SENP6: variants seen among roughly 807,000 people sequenced by gnomAD.
SENP6 encodes the protein SUMO specific peptidase 6, also known as sentrin-specific protease 6.
A neutral mutation model predicts 134.5 loss-of-function variants in SENP6; 41 were observed. That is an observed-to-expected ratio of 0.30 (90% CI 0.24 to 0.40). The LOEUF (loss-of-function observed/expected upper bound fraction) is 0.40, where lower values mean the gene tolerates loss of function less well. Ranked by LOEUF, SENP6 falls within the 10% of genes least tolerant of loss-of-function variation. The pLI is 1.00. For synonymous variants in SENP6, 395 were observed against 429.8 expected (o/e 0.92, Z 1.00); for missense variants, 1,248 against 1,312.5 (o/e 0.95, Z 0.76).
chr6:75,618,483 A>T (rs898663607), intron 1 of SENP6, among the ~76,000 whole-genome samples: 1 of 152,158 alleles, frequency 6.6e-6, no homozygotes, highest in Non-Finnish European at 1.5e-5. Flanking sequence ...CACCAGGTTC[A>T]TATTGGTGTT....
chr6:75,695,449 A>T (rs551121155), intron 16 of SENP6, among the ~76,000 whole-genome samples: 70 of 152,330 alleles, frequency 4.6e-4, no homozygotes, highest in Admixed American at 1.6e-3. Flanking sequence ...ATACAAAGCG[A>T]ACTGTGGCCG....
chr6:75,695,507 C>T (rs55990059), intron 16 of SENP6, among the ~76,000 whole-genome samples: 7 of 152,244 alleles, frequency 4.6e-5, no homozygotes, highest in South Asian at 2.1e-4. Context: ...GAGGCTGAGG[C>T]GGGCGGATTA....
intron 8 of SENP6, among the ~76,000 whole-genome samples, chr6:75,660,277 T>C (rs1220087655): frequency 6.6e-6 from 1 of 152,244 alleles, no homozygotes; most frequent in Admixed American, 6.5e-5. Flanking sequence ...ACATTAATGA[T>C]ATTTTACCTT....
In SENP6 at chr6:75,658,573, CATTATA is replaced by C. The variant is rs372343924; in HGVS notation, c.551-682_551-677del. 3.4e-3 allele frequency among the ~76,000 whole-genome samples: 521 copies of C among 151,962 alleles called. 4 individuals carry two copies. The highest frequency in any genetic ancestry group is 0.012 in the African/African-American group (482 of 41,450). ...TTTGGAGTTCATCAAATCATTTAAA[CATTATA>C]ATTATATTTGTAATGAAAATTATTA... is the stretch of plus-strand genomic sequence containing the variant. On this transcript the variant is annotated intron_variant, in intron 7 of 23. Transcript: ENST00000447266.
At chr6:75,642,684 G>A (rs1436609395) in intron 6 of SENP6, among the ~76,000 whole-genome samples, 2 of 152,222 alleles carry the variant, frequency 1.3e-5, no homozygotes, top group Non-Finnish European at 2.9e-5. Context: ...AGCTTTCAGA[G>A]CATTTGAGAT....
Position 75,715,508 on chromosome 6 carries a change from G to C in SENP6, c.3253G>C (p.Glu1085Gln), listed in dbSNP as rs1463862084. The C allele has an allele frequency of 6.2e-7, 1 of 1,613,422 alleles. No homozygotes were observed. The highest frequency in any genetic ancestry group is 8.5e-7 in the Non-Finnish European group (1 of 1,179,566). The change falls in exon 24 of 24, where the codon GAG becomes CAG. Residue 1085 changes from glutamate to glutamine, a missense_variant. Coordinates refer to ENST00000447266, the MANE Select transcript of SENP6 (RefSeq NM_015571.4). ...GAAGCTACAGGAAGATCAGAGCAAA[G>C]AGAAAAGAAAGCATAAGGACACTTA... is the stretch of plus-strand genomic sequence containing the variant. The part of the protein sequence containing the change: ...ILKLQEDQSK[E>Q]KRKHKDTYST...
At chr6:75,647,513 T>C (rs1189191655) in intron 6 of SENP6, 1 of 340,400 alleles carries the variant, frequency 2.9e-6, no homozygotes, top group Non-Finnish European at 5.5e-6. Context: ...TATTCCTTTA[T>C]TTATTAATTT....
At chr6:75,671,868 T>C (rs928595293) in intron 11 of SENP6, among the ~76,000 whole-genome samples, 3 of 152,168 alleles carry the variant, frequency 2.0e-5, no homozygotes. Context: ...AAAAATTGTT[T>C]ATAGGAGAAA....
intron 7 of SENP6, among the ~76,000 whole-genome samples, chr6:75,654,049 C>T (rs1005419556): frequency 2.0e-5 from 3 of 152,052 alleles, no homozygotes; most frequent in Non-Finnish European, 2.9e-5. Flanking sequence ...CATAGTGAGA[C>T]CCTGTCTCTA....
chr6:75,672,853 A>T (rs1202101941), intron 11 of SENP6, among the ~76,000 whole-genome samples: 2 of 152,074 alleles, frequency 1.3e-5, no homozygotes, highest in Non-Finnish European at 2.9e-5. Flanking sequence ...TTTGAGACAG[A>T]GTCTCACTCT....
intron 16 of SENP6, among the ~76,000 whole-genome samples, chr6:75,682,177 C>A (rs187545594): frequency 6.6e-6 from 1 of 151,636 alleles, no homozygotes; most frequent in South Asian, 2.1e-4. Context: ...AATGATCCAC[C>A]AAGAAAACAT....
chr6:75,606,529 T>G (rs188242853), intron 1 of SENP6, among the ~76,000 whole-genome samples: 1 of 152,186 alleles, frequency 6.6e-6, no homozygotes, highest in East Asian at 1.9e-4. Flanking sequence ...GTTTTTTTCA[T>G]AGAGTGTTCA....
At chr6:75,622,323 C>T (rs983876851) in intron 2 of SENP6, among the ~76,000 whole-genome samples, 2 of 152,034 alleles carry the variant, frequency 1.3e-5, no homozygotes, top group East Asian at 1.9e-4. Context: ...TTTGGAAGGC[C>T]GAGGCAGGTG....
In SENP6 at chr6:75,713,596, T is replaced by C. The variant is rs541083120; in HGVS notation, c.2978+15T>C. 3 of 1,611,386 alleles carry C rather than the reference T, an allele frequency of 1.9e-6. No homozygotes were observed. Among genetic ancestry groups the C allele is most frequent in the South Asian group, 2.2e-5 (2 of 90,966 alleles). ...ATTTTAAGAGAGTAAGTTCACACTT[T>C]ATTTCGTATTCTGATGGGGATGAAG... On this transcript the variant is annotated intron_variant, in intron 22 of 23. Coordinates refer to ENST00000447266, the MANE Select transcript of SENP6 (RefSeq NM_015571.4).
chr6:75,633,522 G>T (rs570566198), intron 3 of SENP6, 59 bp from the exon 4 acceptor site: 11 of 1,401,808 alleles, frequency 7.8e-6, no homozygotes, highest in Middle Eastern at 4.3e-4. Context: ...TCAAATAGTT[G>T]TTGATAGATT....
chr6:75,606,882 G>T (rs1274041376), intron 1 of SENP6, among the ~76,000 whole-genome samples: 3 of 152,142 alleles, frequency 2.0e-5, no homozygotes, highest in African/African-American at 7.2e-5. Flanking sequence ...ATCTAATCAG[G>T]GTGGTTTGAA....
intron 3 of SENP6, among the ~76,000 whole-genome samples, chr6:75,628,563 C>T (rs997567468): frequency 1.3e-5 from 2 of 152,100 alleles, no homozygotes; most frequent in African/African-American, 4.8e-5. Flanking sequence ...ACTTTCAGAA[C>T]AATTTTACTC....
intron 3 of SENP6, among the ~76,000 whole-genome samples, chr6:75,632,030 A>C (rs1769150042): frequency 6.6e-6 from 1 of 152,168 alleles, no homozygotes; most frequent in South Asian, 2.1e-4. Context: ...GTGGGTTCTT[A>C]AACACTCTGG....
intron 2 of SENP6, 138 bp downstream of exon 2, chr6:75,621,763 G>T: frequency 1.9e-6 from 1 of 533,320 alleles, no homozygotes. Flanking sequence ...TCGCTTTAAG[G>T]AAAGAAAAAG....
Sources: gnomAD v4.1 joint callset for allele counts (sites outside exome capture counted in the v4.1 genomes callset) on GRCh38, gnomAD v4.1.1 for gene constraint, MANE v1.5 for transcripts, NCBI Gene and HGNC (gene_info 2026-07-23, HGNC 2026-07-21) for gene names.